CCDC186: variants seen among roughly 807,000 people sequenced by gnomAD.
The protein encoded by CCDC186 is coiled-coil domain containing 186.
In CCDC186, 49 loss-of-function variants were observed where a neutral mutation model predicts 113.7. The ratio of observed to expected loss-of-function variants is 0.43; its 90% CI spans 0.34 to 0.55. The LOEUF (loss-of-function observed/expected upper bound fraction) is 0.55, where lower values mean the gene tolerates loss of function less well. Among genes scored for constraint, CCDC186 ranks in the 20% least tolerant of loss-of-function variants. CCDC186 has a pLI of 0.02. For missense variants in CCDC186, 890 were observed against 1,011.1 expected (o/e 0.88, Z 1.62); for synonymous variants, 355 against 345.8 (o/e 1.03, Z -0.30).
At chr10:114,157,893 A>C (rs1427105812) in intron 2 of CCDC186, among the ~76,000 whole-genome samples, 1 of 152,250 alleles carries the variant, frequency 6.6e-6, no homozygotes, top group East Asian at 1.9e-4. Context: ...TTCCCTAGAA[A>C]TATGAATATT....
chr10:114,135,117 T>C, intron 9 of CCDC186, 62 bp from the exon 10 acceptor site: 5 of 1,471,694 alleles, frequency 3.4e-6, no homozygotes, highest in Non-Finnish European at 4.5e-6. Flanking sequence ...AACTATTTTG[T>C]ATAGTGGTTA....
At chr10:114,159,507 G>A (rs1351687446) in intron 2 of CCDC186, among the ~76,000 whole-genome samples, 1 of 151,968 alleles carries the variant, frequency 6.6e-6, no homozygotes, top group African/African-American at 2.4e-5. Context: ...GCTGGGTGTG[G>A]TAGGGCGTGC....
chr10:114,131,746 A>C (rs572541653), intron 11 of CCDC186, among the ~76,000 whole-genome samples, 183 bp downstream of exon 11: 15 of 152,282 alleles, frequency 9.9e-5, no homozygotes, highest in African/African-American at 3.6e-4. Flanking sequence ...TCATTTTAGG[A>C]AGAAATTTTA....
chr10:114,132,125 T>C lies in CCDC186; in HGVS notation c.1715A>G (p.Asn572Ser), dbSNP rs2031108497. Reference protein sequence around the residue: ...EEVESLNSLINDLQKDIEGSR... With the variant: ...EEVESLNSLISDLQKDIEGSR... ...GCCTTCGATGTCTTTTTGTAGGTCA[T>C]TAATCAAAGAATTAAGACTTTCCAC... The change falls in exon 11 of 16, where the codon AAT (asparagine) becomes AGT (serine). Residue 572 changes from asparagine (N) to serine (S), a missense_variant. Coordinates refer to ENST00000369287, the MANE Select transcript of CCDC186 (RefSeq NM_018017.4). 2 of 1,612,690 alleles carry C rather than the reference T, an allele frequency of 1.2e-6. No individual in the cohort carries two copies. The highest frequency in any genetic ancestry group is 1.1e-5 in the South Asian group (1 of 90,968).
At chr10:114,146,775 T>G (rs1015963552) in intron 4 of CCDC186, among the ~76,000 whole-genome samples, 1 of 152,150 alleles carries the variant, frequency 6.6e-6, no homozygotes, top group African/African-American at 2.4e-5. Context: ...AAATAAACAC[T>G]GATGATGCAA....
chr10:114,173,941 G>A, intron 1 of CCDC186, 74 bp downstream of exon 1: 1 of 453,076 alleles, frequency 2.2e-6, no homozygotes. Flanking sequence ...GCAGGAAGGA[G>A]CGGAAGGCTG....
intron 3 of CCDC186, among the ~76,000 whole-genome samples, chr10:114,153,212 TACAA>T (rs1437761489): frequency 3.3e-5 from 5 of 152,172 alleles, no homozygotes; most frequent in South Asian, 2.1e-4. Flanking sequence ...TATGCTAGGT[TACAA>T]ACAAACTTCC....
chr10:114,172,717 CA>C (rs1294628326), intron 1 of CCDC186, among the ~76,000 whole-genome samples: 2 of 152,170 alleles, frequency 1.3e-5, no homozygotes, highest in Non-Finnish European at 2.9e-5. Context: ...CTAATATCTT[CA>C]CTGCATTAAA....
At chr10:114,140,863 T>C (rs2031445302) in intron 6 of CCDC186, among the ~76,000 whole-genome samples, 2 of 152,046 alleles carry the variant, frequency 1.3e-5, no homozygotes, top group Admixed American at 1.3e-4. Flanking sequence ...CATTGCCTCA[T>C]TGTCTACTAA....
intron 1 of CCDC186, chr10:114,173,292 A>C (rs1321401763): frequency 6.7e-6 from 3 of 448,408 alleles, no homozygotes; most frequent in Non-Finnish European, 1.4e-5. Flanking sequence ...TGGGAATATT[A>C]GGTGAAGTTG....
At chr10:114,131,016 C>A in intron 12 of CCDC186, 131 bp downstream of exon 12, 1 of 697,058 alleles carries the variant, frequency 1.4e-6, no homozygotes, top group Non-Finnish European at 2.1e-6. Context: ...AGAAGTTTAA[C>A]AATTTGGTTT....
chr10:114,145,866 T>C, intron 4 of CCDC186, 105 bp from the exon 5 acceptor site: 1 of 1,056,646 alleles, frequency 9.5e-7, no homozygotes, highest in Admixed American at 3.1e-5. Flanking sequence ...CATTGTTTGG[T>C]TTTTGCACAA....
chr10:114,157,772 A>T (rs1157097779), intron 2 of CCDC186, 92 bp from the exon 3 acceptor site: 7 of 922,122 alleles, frequency 7.6e-6, no homozygotes, highest in Non-Finnish European at 1.1e-5. Context: ...ATCAGGGTAC[A>T]GATATCTATA....
chr10:114,171,467 C>T (rs1157989452), intron 1 of CCDC186, among the ~76,000 whole-genome samples: 1 of 152,098 alleles, frequency 6.6e-6, no homozygotes, highest in Non-Finnish European at 1.5e-5. Flanking sequence ...AGGAGGATTG[C>T]TTGAGACCAG....
chr10:114,139,514 G>A (rs894234627), intron 6 of CCDC186, among the ~76,000 whole-genome samples: 2 of 147,870 alleles, frequency 1.4e-5, no homozygotes, highest in African/African-American at 5.0e-5. Context: ...AGTGAGCCAA[G>A]ATCGCACCAC....
At chr10:114,162,474 G>T in intron 2 of CCDC186, 163 bp downstream of exon 2, 1 of 533,224 alleles carries the variant, frequency 1.9e-6, no homozygotes, top group East Asian at 3.1e-5. Context: ...CTCGACATTT[G>T]CTCACACATT....
chr10:114,170,329 A>C (rs565302983), intron 1 of CCDC186, among the ~76,000 whole-genome samples: 2 of 149,996 alleles, frequency 1.3e-5, no homozygotes, highest in Admixed American at 1.3e-4. Flanking sequence ...CTAACTTTTT[A>C]TTATTAGAAA....
chr10:114,135,922 C>A lies in CCDC186; in HGVS notation c.1481G>T (p.Gly494Val). 1 of 1,613,090 alleles carries A rather than the reference C, an allele frequency of 6.2e-7. No homozygotes were observed. Reference protein sequence around the residue: ...LEDLKRTFKEGMDELRTLRTK... With the variant: ...LEDLKRTFKEVMDELRTLRTK... ...TCTCAGTGTTCTTAACTCATCCATA[C>A]CCTCCTTAAATGTTCTCTTCAGATC... Residue 494 changes from glycine to valine, a missense_variant, in exon 9 of 16, where the codon GGT (glycine) becomes GTT (valine). By Grantham distance (109) the Gly-to-Val change is moderately radical. Coordinates refer to ENST00000369287, the MANE Select transcript of CCDC186 (RefSeq NM_018017.4).
chr10:114,137,066 G>A (rs1019719538), intron 7 of CCDC186, 120 bp downstream of exon 7: 5 of 667,752 alleles, frequency 7.5e-6, no homozygotes, highest in East Asian at 3.0e-5. Flanking sequence ...GCAGTGAGCC[G>A]AGACTGTGCC....
Sources: allele counts gnomAD v4.1 joint callset (sites outside exome capture counted in the v4.1 genomes callset), GRCh38; gene constraint gnomAD v4.1.1; transcripts MANE v1.5; gene names NCBI Gene and HGNC (gene_info 2026-07-23, HGNC 2026-07-21).